The following PTPRN2 variants were observed in gnomAD, a reference collection of about 807,000 sequenced individuals.
PTPRN2 encodes receptor-type tyrosine-protein phosphatase N2.
In PTPRN2, 74 loss-of-function variants were observed where a neutral mutation model predicts 118.8. The ratio of observed to expected loss-of-function variants is 0.62; its 90% CI spans 0.52 to 0.76. The LOEUF (loss-of-function observed/expected upper bound fraction) is 0.76, where lower values mean the gene tolerates loss of function less well. Ranked by LOEUF, PTPRN2 falls within the 30% of genes least tolerant of loss-of-function variation. The pLI, the probability that PTPRN2 is intolerant of heterozygous loss-of-function variation, is 0.00. For missense variants in PTPRN2, 1,481 were observed against 1,394.4 expected, an observed-to-expected ratio of 1.06 and a Z score of -0.99; for synonymous variants, 641 against 608.0, an observed-to-expected ratio of 1.05 and a Z score of -0.80.
chr7:157,818,223 T>C lies in PTPRN2; in HGVS notation c.1788+80450A>G, dbSNP rs373150936. On this transcript the variant is annotated intron_variant, in intron 12 of 22. Coordinates refer to ENST00000389418, the MANE Select transcript of PTPRN2 (RefSeq NM_002847.5). ...GTGTGCACATGTGTGTTTGCATGCA[T>C]GTGTATGTGTGTGCCCGTGCATGTG... Among the ~76,000 whole-genome samples the C allele has an allele frequency of 3.7e-4, 57 of 152,092 alleles. No homozygotes were observed. In the East Asian group the frequency reaches 9.7e-3, roughly 26 times the overall value.
intron 2 of PTPRN2, among the ~76,000 whole-genome samples, chr7:158,349,995 A>G (rs1373891063): frequency 6.6e-6 from 1 of 152,156 alleles, no homozygotes; most frequent in African/African-American, 2.4e-5. Context: ...ACTAGGTCAC[A>G]GGATACAGCA....
chr7:158,317,881 CG>C (rs1314627875), intron 2 of PTPRN2, among the ~76,000 whole-genome samples: 1 of 152,214 alleles, frequency 6.6e-6, no homozygotes, highest in African/African-American at 2.4e-5. Context: ...ATGCTCACGA[CG>C]ACGGGGCCGG....
chr7:157,787,558 C>T lies in PTPRN2; in HGVS notation c.1789-104621G>A, dbSNP rs1258189773. ...CTCACGTCCTGCTTCTCTCCTTGTC[C>T]TTCATGTCTTGTAGGCGACCCCACA... On this transcript the variant is annotated intron_variant, in intron 12 of 22. Transcript: ENST00000389418. The surrounding 1 kb of genome is among the most constrained non-coding windows in gnomAD (Gnocchi z 5.3). Among the ~76,000 whole-genome samples the T allele has an allele frequency of 3.3e-5, 5 of 152,194 alleles. No individual in the cohort carries two copies. The highest frequency in any genetic ancestry group is 7.4e-5 in the Non-Finnish European group (5 of 68,024).
At chr7:158,034,502 C>T (rs550013334) in intron 11 of PTPRN2, among the ~76,000 whole-genome samples, 30 of 152,292 alleles carry the variant, frequency 2.0e-4, no homozygotes, top group South Asian at 2.1e-4. Flanking sequence ...TTGCCTGCTG[C>T]CATCCATGTA....
intron 19 of PTPRN2, among the ~76,000 whole-genome samples, chr7:157,576,112 C>T (rs1365869839): frequency 1.3e-5 from 2 of 152,122 alleles, no homozygotes; most frequent in African/African-American, 2.4e-5. Context: ...GAGCAATGAA[C>T]AAAAAACTGA....
chr7:158,154,191 G>A (rs554613269), intron 6 of PTPRN2, among the ~76,000 whole-genome samples: 53 of 152,284 alleles, frequency 3.5e-4, no homozygotes, highest in Non-Finnish European at 6.5e-4. Flanking sequence ...AAAAGGCAGC[G>A]TAACGCAGAG....
chr7:157,719,151 G>T (rs1012122440), intron 12 of PTPRN2, among the ~76,000 whole-genome samples: 4 of 152,306 alleles, frequency 2.6e-5, no homozygotes, highest in Middle Eastern at 3.4e-3. Context: ...TGAGCAGGAA[G>T]CCCCATGAGA....
At chr7:158,422,256 G>C (rs1159517526) in intron 2 of PTPRN2, among the ~76,000 whole-genome samples, 1 of 152,162 alleles carries the variant, frequency 6.6e-6, no homozygotes, top group Non-Finnish European at 1.5e-5. Context: ...TCCTAGGTAG[G>C]TTCTTAAACA....
chr7:157,714,540 G>A (rs1388278273), intron 12 of PTPRN2, among the ~76,000 whole-genome samples: 2 of 152,194 alleles, frequency 1.3e-5, no homozygotes, highest in Admixed American at 1.3e-4. Flanking sequence ...TGTGATTCCT[G>A]ATTTTTATTG....
chr7:157,953,714 G>A lies in PTPRN2; in HGVS notation c.1724-54977C>T, dbSNP rs1800980347. 6.6e-6 allele frequency among the ~76,000 whole-genome samples: 1 copy of A among 152,258 alleles called. No homozygotes were observed. The highest frequency in any genetic ancestry group is 1.9e-4 in the East Asian group (1 of 5,176). On this transcript the variant is annotated intron_variant, in intron 11 of 22. Coordinates refer to ENST00000389418, the MANE Select transcript of PTPRN2 (RefSeq NM_002847.5). The surrounding 1 kb of genome is among the most constrained non-coding windows in gnomAD (Gnocchi z 4.6). ...AGCAGTTGGGGGACAGGAGGGCCAAGTCTGAGGACTCAGACCCGGGGCAGC... is the reference window on the plus strand; with the variant it reads ...AGCAGTTGGGGGACAGGAGGGCCAAATCTGAGGACTCAGACCCGGGGCAGC...
At chr7:157,807,892 T>C (rs1439876522) in intron 12 of PTPRN2, among the ~76,000 whole-genome samples, 2 of 152,184 alleles carry the variant, frequency 1.3e-5, no homozygotes, top group Admixed American at 6.5e-5. Flanking sequence ...TTTACGTGGG[T>C]TACCCTACCA....
chr7:158,171,805 T>G (rs893571132), intron 5 of PTPRN2, among the ~76,000 whole-genome samples: 3 of 152,214 alleles, frequency 2.0e-5, no homozygotes, highest in Non-Finnish European at 4.4e-5. Flanking sequence ...CAGTCTCAGT[T>G]CAACATACCA....
chr7:158,062,913 C>T (rs534198496), intron 11 of PTPRN2, among the ~76,000 whole-genome samples: 47 of 152,354 alleles, frequency 3.1e-4, no homozygotes, highest in East Asian at 1.5e-3. Flanking sequence ...CCCTGCTCCG[C>T]GGCGCCCAGT....
chr7:158,213,175 C>A (rs1274263251), intron 3 of PTPRN2, among the ~76,000 whole-genome samples: 1 of 149,424 alleles, frequency 6.7e-6, no homozygotes, highest in East Asian at 2.0e-4. Flanking sequence ...AAACACATTA[C>A]CAAAATCTTC....
chr7:157,955,756 G>T lies in PTPRN2; in HGVS notation c.1724-57019C>A, dbSNP rs539826746. 1.3e-3 allele frequency among the ~76,000 whole-genome samples: 192 copies of T among 152,340 alleles called. 1 individual carries two copies. Among genetic ancestry groups the T allele is most frequent in the Non-Finnish European group, 2.2e-3 (151 of 68,032 alleles). On this transcript the variant is annotated intron_variant, in intron 11 of 22. Transcript: ENST00000389418. ...GGTGCTAGGGCGGACACCCTGCGGG[G>T]TTTGCCTGGGCTCTGCATTCCCATC... is the stretch of plus-strand genomic sequence containing the variant.
At chr7:157,639,825 C>T (rs967700224) in intron 14 of PTPRN2, among the ~76,000 whole-genome samples, 6 of 152,206 alleles carry the variant, frequency 3.9e-5, no homozygotes, top group African/African-American at 1.2e-4. Context: ...ACAGGAATCT[C>T]GTCTGTCACC....
At chr7:157,614,855 A>G (rs1802653352) in intron 15 of PTPRN2, among the ~76,000 whole-genome samples, 1 of 152,254 alleles carries the variant, frequency 6.6e-6, no homozygotes, top group African/African-American at 2.4e-5. Context: ...CCTGGACCGC[A>G]GCCTCCGGCC....
intron 12 of PTPRN2, among the ~76,000 whole-genome samples, chr7:157,826,531 C>T (rs1347251870): frequency 6.0e-5 from 8 of 134,014 alleles, no homozygotes; most frequent in South Asian, 2.5e-4. Context: ...GTCACAATCG[C>T]GAGCGCCATT....
chr7:158,163,062 A>C (rs796509015), intron 6 of PTPRN2, among the ~76,000 whole-genome samples: 7 of 152,318 alleles, frequency 4.6e-5, no homozygotes, highest in African/African-American at 1.7e-4. Flanking sequence ...CATCTTCAGA[A>C]ATCATTCGAT....
Sources: allele counts gnomAD v4.1 joint callset (sites outside exome capture counted in the v4.1 genomes callset), GRCh38; gene constraint gnomAD v4.1.1; non-coding constraint Gnocchi (gnomAD v3.1); transcripts MANE v1.5; gene names NCBI Gene and HGNC (gene_info 2026-07-23, HGNC 2026-07-21).